Variants in FGF13 observed in about 807,000 individuals in gnomAD.
The protein encoded by FGF13 is fibroblast growth factor homologous factor 2.
A neutral mutation model predicts 19.5 loss-of-function variants in FGF13; 2 were observed. That is an observed-to-expected ratio of 0.10 (90% CI 0.04 to 0.32). FGF13 has a LOEUF of 0.32. FGF13 is among the 10% of genes least tolerant of loss of function. The probability of loss-of-function intolerance (pLI) is 1.00; values close to 1 mark genes in which losing one functional copy is unlikely to be tolerated. For missense variants in FGF13, 113 were observed against 192.7 expected (o/e 0.59, Z 2.45); for synonymous variants, 72 against 76.9 (o/e 0.94, Z 0.33).
chrX:138,889,277 A>C (rs897946819), intron 1 of FGF13, among the ~76,000 whole-genome samples: 2 of 112,007 alleles, frequency 1.8e-5, no homozygotes, highest in Non-Finnish European at 3.8e-5. Flanking sequence ...ATATTTATGT[A>C]ATCAACACAT....
intron 1 of FGF13, among the ~76,000 whole-genome samples, chrX:139,019,368 T>C (rs188839077): frequency 1.2e-4 from 13 of 110,911 alleles, no homozygotes; most frequent in African/African-American, 4.3e-4. Flanking sequence ...ATTGGGTGGA[T>C]GAAGGTTCCA....
At chrX:138,994,222 G>A (rs185227229) in intron 1 of FGF13, among the ~76,000 whole-genome samples, 2 of 111,385 alleles carry the variant, frequency 1.8e-5, no homozygotes, top group Non-Finnish European at 3.8e-5. Context: ...CTCCCTTCCT[G>A]GTTGCAGATA....
intron 1 of FGF13, among the ~76,000 whole-genome samples, chrX:138,908,300 G>C (rs1017165281): frequency 5.6e-5 from 6 of 107,190 alleles, no homozygotes; most frequent in Admixed American, 2.0e-4. Context: ...GGATGGTCTC[G>C]ATCTCCTGAC....
intron 1 of FGF13, among the ~76,000 whole-genome samples, chrX:138,944,261 T>C (rs1253821875): frequency 9.0e-6 from 1 of 111,002 alleles, no homozygotes; most frequent in Non-Finnish European, 1.9e-5. Flanking sequence ...AAGGATAAGA[T>C]AAATGGCTGT....
chrX:138,736,610 C>A (rs1163246971), intron 1 of FGF13, among the ~76,000 whole-genome samples: 4 of 109,894 alleles, frequency 3.6e-5, no homozygotes, highest in African/African-American at 1.0e-4. Flanking sequence ...TTTGCAACCC[C>A]TGAAAAATGG....
intron 3 of FGF13, among the ~76,000 whole-genome samples, chrX:138,695,092 C>A (rs766906054): frequency 5.7e-4 from 61 of 107,591 alleles, no homozygotes; most frequent in Admixed American, 9.1e-4. Context: ...ATTTTATCAT[C>A]AAAATTAACG....
intron 1 of FGF13, among the ~76,000 whole-genome samples, chrX:139,026,381 G>C (rs1322095829): frequency 1.8e-5 from 2 of 111,834 alleles, no homozygotes; most frequent in African/African-American, 6.5e-5. Flanking sequence ...AAAAGTGCCA[G>C]AGTGACCAGA....
intron 2 of FGF13, among the ~76,000 whole-genome samples, chrX:138,863,838 G>A (rs976606237): frequency 8.9e-6 from 1 of 112,275 alleles, no homozygotes; most frequent in Non-Finnish European, 1.9e-5. Context: ...GATGCTTTCT[G>A]TGTAACCTTT....
At chrX:138,681,530 C>T (rs2089729203) in intron 3 of FGF13, among the ~76,000 whole-genome samples, 1 of 112,967 alleles carries the variant, frequency 8.9e-6, no homozygotes, top group Admixed American at 9.3e-5. Context: ...TCTTTCTTAT[C>T]ATTTATGTGT....
At chrX:139,126,378 C>T (rs769669526) in intron 1 of FGF13, among the ~76,000 whole-genome samples, 9 of 111,374 alleles carry the variant, frequency 8.1e-5, no homozygotes, top group African/African-American at 2.9e-4. Context: ...GGGAATCTAA[C>T]CCTTCCTCTC....
rs1160633085 is a variant in FGF13 at position 138,906,806 on chromosome X, C to T, written c.-112-42156G>A. On this transcript the variant is annotated intron_variant, in intron 1 of 2. Coordinates refer to the FGF13 transcript ENST00000421460. ...ACATGGAGTCCTATATCTCCTTTCC[C>T]CAGCGTTCATGTTTTAGTTGCCCAG... Among the ~76,000 whole-genome samples, 4 of 110,928 alleles carry T rather than the reference C, an allele frequency of 3.6e-5. No individual in the cohort carries two copies. In the Admixed American group the frequency reaches 3.9e-4, roughly 11 times the overall value.
intron 1 of FGF13, among the ~76,000 whole-genome samples, chrX:138,955,443 T>G (rs1001111452): frequency 1.8e-5 from 2 of 112,084 alleles, no homozygotes; most frequent in African/African-American, 3.2e-5. Context: ...TAGTCTCTCT[T>G]TTAGTCCTCA....
chrX:138,980,269 C>A (rs998289148), intron 1 of FGF13, among the ~76,000 whole-genome samples: 1 of 111,271 alleles, frequency 9.0e-6, no homozygotes, highest in Non-Finnish European at 1.9e-5. Flanking sequence ...GCACTTTTTA[C>A]CCATTCCTTT....
At chrX:139,029,173 G>A (rs2092216681) in intron 1 of FGF13, among the ~76,000 whole-genome samples, 1 of 111,804 alleles carries the variant, frequency 8.9e-6, no homozygotes. Flanking sequence ...TGCCAGATAA[G>A]TAAAGTGATT....
chrX:138,852,267 T>C (rs2091227615), intron 3 of FGF13, among the ~76,000 whole-genome samples: 1 of 111,920 alleles, frequency 8.9e-6, no homozygotes, highest in African/African-American at 3.3e-5. Flanking sequence ...AAGACAATCC[T>C]AAGCAAAAAG....
At chrX:138,839,224 G>C (rs948444467) in intron 3 of FGF13, among the ~76,000 whole-genome samples, 2 of 110,825 alleles carry the variant, frequency 1.8e-5, no homozygotes, top group Non-Finnish European at 3.8e-5. Context: ...CAGCAAGAAA[G>C]CCCTCACTAG....
intron 3 of FGF13, among the ~76,000 whole-genome samples, chrX:138,812,995 A>G (rs1199342519): frequency 1.8e-5 from 2 of 111,886 alleles, no homozygotes; most frequent in African/African-American, 6.5e-5. Flanking sequence ...GATGGCTTCC[A>G]GCTTCAGCCA....
chrX:139,112,525 G>A (rs1408794391), intron 1 of FGF13, among the ~76,000 whole-genome samples: 1 of 111,626 alleles, frequency 9.0e-6, no homozygotes, highest in Non-Finnish European at 1.9e-5. Flanking sequence ...AGAAACAAAA[G>A]CTTGCACCCA....
At chrX:138,888,254 T>C (rs1354400324) in intron 1 of FGF13, among the ~76,000 whole-genome samples, 1 of 112,174 alleles carries the variant, frequency 8.9e-6, no homozygotes, top group African/African-American at 3.2e-5. Flanking sequence ...GCAAGTCCTA[T>C]TATTTATCAG....
Sources: allele counts gnomAD v4.1 joint callset (sites outside exome capture counted in the v4.1 genomes callset), GRCh38; gene constraint gnomAD v4.1.1; transcripts MANE v1.5; gene names NCBI Gene and HGNC (gene_info 2026-07-23, HGNC 2026-07-21).